The following KIAA0513 variants were observed in gnomAD, a reference collection of about 807,000 sequenced individuals.
KIAA0513 encodes KIAA0513.
In KIAA0513, 39 loss-of-function variants were observed where a neutral mutation model predicts 56.5. That is an observed-to-expected ratio of 0.69 (90% CI 0.53 to 0.90). The LOEUF (loss-of-function observed/expected upper bound fraction) is 0.90. Ranked by LOEUF, KIAA0513 falls within the 40% of genes least tolerant of loss-of-function variation. The probability of loss-of-function intolerance (pLI) is 0.00; values close to 1 mark genes in which losing one functional copy is unlikely to be tolerated. For missense variants in KIAA0513, 591 were observed against 535.2 expected (o/e 1.10, Z -1.03); for synonymous variants, 268 against 215.6 (o/e 1.24, Z -2.13).
intron 10 of KIAA0513, among the ~76,000 whole-genome samples, chr16:85,083,133 G>T (rs1366245123): frequency 1.3e-5 from 2 of 152,194 alleles, no homozygotes; most frequent in Admixed American, 1.3e-4. Flanking sequence ...CACGGAAGAA[G>T]GACACACTCC....
chr16:85,064,256 T>C (rs2073447503), intron 1 of KIAA0513, among the ~76,000 whole-genome samples: 1 of 152,186 alleles, frequency 6.6e-6, no homozygotes. Context: ...TCCACCCGCC[T>C]CAGCCTCCCA....
At chr16:85,065,138 G>A (rs1194853019) in intron 1 of KIAA0513, among the ~76,000 whole-genome samples, 1 of 152,192 alleles carries the variant, frequency 6.6e-6, no homozygotes, top group Admixed American at 6.5e-5. Flanking sequence ...CTAGTGTGTG[G>A]TTTTTCATTT....
intron 10 of KIAA0513, among the ~76,000 whole-genome samples, chr16:85,084,208 C>T (rs868433362): frequency 4.0e-5 from 6 of 151,174 alleles, no homozygotes; most frequent in Non-Finnish European, 8.8e-5. Context: ...ATTACAAGTG[C>T]CCGCCACCAT....
At chr16:85,037,401 G>A (rs139413426) in intron 1 of KIAA0513, among the ~76,000 whole-genome samples, 1 of 152,268 alleles carries the variant, frequency 6.6e-6, no homozygotes, top group African/African-American at 2.4e-5. Context: ...ATACAAAATG[G>A]GACCCTGAAA....
intron 1 of KIAA0513, among the ~76,000 whole-genome samples, chr16:85,053,004 C>G (rs1271059492): frequency 6.6e-6 from 1 of 152,172 alleles, no homozygotes; most frequent in Non-Finnish European, 1.5e-5. Flanking sequence ...TCTCTTGCCT[C>G]AGCCTCCCAA....
intron 8 of KIAA0513, among the ~76,000 whole-genome samples, chr16:85,080,271 A>C (rs1196949187): frequency 6.6e-6 from 1 of 152,084 alleles, no homozygotes; most frequent in African/African-American, 2.4e-5. Context: ...TTTCATTGTC[A>C]CTTGGCAAAC....
Position 85,088,525 on chromosome 16 carries a change from G to T in KIAA0513, c.*200G>T. The T allele has an allele frequency of 1.7e-6, 1 of 583,468 alleles. No individual in the cohort carries two copies. The highest frequency in any genetic ancestry group is 2.8e-5 in the East Asian group (1 of 35,308). The allele number at this position is 583,468 out of a possible 1,614,324, so 36.1% of individuals were successfully genotyped here. A position where few individuals can be genotyped will look rare whatever the true frequency, so the allele number is the denominator to read the frequency against. On this transcript the variant is annotated 3_prime_UTR_variant, in exon 13 of 13. Coordinates refer to ENST00000683363, the MANE Select transcript of KIAA0513 (RefSeq NM_001388359.1). ...GCCTGTGTCTGCGACCCCCATCCAT[G>T]TGCCAAAGTGTCCCTTGGGTCACAC...
At chr16:85,038,863 G>A (rs1210378000) in intron 1 of KIAA0513, among the ~76,000 whole-genome samples, 1 of 152,150 alleles carries the variant, frequency 6.6e-6, no homozygotes, top group African/African-American at 2.4e-5. Context: ...GAAGTCTGAT[G>A]TGGTCAGCAG....
intron 12 of KIAA0513, among the ~76,000 whole-genome samples, chr16:85,088,008 G>A (rs192373812): frequency 1.4e-3 from 213 of 152,370 alleles, no homozygotes; most frequent in Non-Finnish European, 2.0e-3. Context: ...AAGAAGGTGC[G>A]TTTCCCAGTT....
rs914709292 is a variant in KIAA0513 at position 85,091,646 on chromosome 16, G to C, written c.*3321G>C. On this transcript the variant is annotated 3_prime_UTR_variant, in exon 13 of 13. Coordinates refer to ENST00000683363, the MANE Select transcript of KIAA0513 (RefSeq NM_001388359.1). ...CCAAGTCTCGTCTTCTTTCCTTCCTGTGAGTTGAAACCAAACAGGCCTCTC... is the reference window on the plus strand; with the variant it reads ...CCAAGTCTCGTCTTCTTTCCTTCCTCTGAGTTGAAACCAAACAGGCCTCTC... 6.6e-6 allele frequency: 1 copy of C among 152,190 alleles called. No individual in the cohort carries two copies. The highest frequency in any genetic ancestry group is 2.4e-5 in the African/African-American group (1 of 41,448). The allele number at this position is 152,190 out of a possible 1,614,324, so 9.4% of individuals were successfully genotyped here.
At chr16:85,071,971 C>T (rs2073583489) in intron 3 of KIAA0513, 89 bp downstream of exon 3, 2 of 870,756 alleles carry the variant, frequency 2.3e-6, no homozygotes, top group Non-Finnish European at 3.7e-6. Flanking sequence ...CCTACAATGA[C>T]ACTCTGGAGA....
Position 85,088,632 on chromosome 16 carries a change from T to A in KIAA0513, c.*307T>A. 1 of 323,418 alleles carries A rather than the reference T, an allele frequency of 3.1e-6. No homozygotes were observed. Among genetic ancestry groups the A allele is most frequent in the Non-Finnish European group, 5.8e-6 (1 of 173,736 alleles). 20.0% of individuals were successfully genotyped at this position (323,418 alleles called of 1,614,324 possible). On this transcript the variant is annotated 3_prime_UTR_variant, in exon 13 of 13. Transcript: ENST00000683363. The stretch of plus-strand genomic sequence containing the variant: ...AAGAGGGAGGAGGGGAAGGACTCCA[T>A]GGGCCATCGTGGGCCAAGGGCTGGC...
intron 1 of KIAA0513, among the ~76,000 whole-genome samples, chr16:85,039,185 A>G (rs1372355787): frequency 7.9e-5 from 12 of 152,254 alleles, no homozygotes; most frequent in African/African-American, 2.7e-4. Flanking sequence ...AGGTCACGGA[A>G]TAGTCAGTGC....
chr16:85,034,993 C>T (rs2073015076), intron 1 of KIAA0513, among the ~76,000 whole-genome samples: 1 of 152,196 alleles, frequency 6.6e-6, no homozygotes, highest in South Asian at 2.1e-4. Flanking sequence ...GGGCGCTGGG[C>T]CCCTAAGCCC....
chr16:85,064,691 C>G (rs573719138), intron 1 of KIAA0513, among the ~76,000 whole-genome samples: 1 of 152,134 alleles, frequency 6.6e-6, no homozygotes, highest in East Asian at 1.9e-4. Context: ...AATTGTATTT[C>G]TTTTTTCTTT....
intron 4 of KIAA0513, 35 bp from the exon 5 acceptor site, chr16:85,075,809 C>T (rs1159457889): frequency 6.2e-6 from 10 of 1,606,430 alleles, no homozygotes; most frequent in Admixed American, 1.7e-5. Context: ...GCAGGTGGAG[C>T]GATCTTTAGC....
chr16:85,064,376 T>G (rs2073449539), intron 1 of KIAA0513, among the ~76,000 whole-genome samples: 1 of 152,228 alleles, frequency 6.6e-6, no homozygotes, highest in Admixed American at 6.5e-5. Flanking sequence ...ACTGTTGCAA[T>G]GAGCATTTTT....
In KIAA0513 at chr16:85,094,140, A is replaced by T. The variant is rs2073898640; in HGVS notation, c.*5815A>T. ...GATCTCAAAACAGTGCTAAAATCAAAGGTGTTTGCTGTGAAGAAAAACATG... is the reference window on the plus strand; with the variant it reads ...GATCTCAAAACAGTGCTAAAATCAATGGTGTTTGCTGTGAAGAAAAACATG... On this transcript the variant is annotated 3_prime_UTR_variant, in exon 13 of 13. Coordinates refer to ENST00000683363, the MANE Select transcript of KIAA0513 (RefSeq NM_001388359.1). 1 of 152,104 alleles carries T rather than the reference A, an allele frequency of 6.6e-6. No individual in the cohort carries two copies. Among genetic ancestry groups the T allele is most frequent in the African/African-American group, 2.4e-5 (1 of 41,382 alleles). 9.4% of individuals were successfully genotyped at this position (152,104 alleles called of 1,614,324 possible).
At chr16:85,050,738 T>A (rs1240284792) in intron 1 of KIAA0513, among the ~76,000 whole-genome samples, 1 of 152,226 alleles carries the variant, frequency 6.6e-6, no homozygotes, top group African/African-American at 2.4e-5. Flanking sequence ...TGTGCATTGT[T>A]GCTGAGTCAA....
Sources: gnomAD v4.1 joint callset for allele counts (sites outside exome capture counted in the v4.1 genomes callset) on GRCh38, gnomAD v4.1.1 for gene constraint, MANE v1.5 for transcripts, NCBI Gene and HGNC (gene_info 2026-07-23, HGNC 2026-07-21) for gene names.